Variants in API5 observed in about 807,000 individuals in gnomAD.
API5 encodes the protein apoptosis inhibitor 5.
Under a neutral mutation model 71.9 loss-of-function variants are expected in API5, and 6 were observed. The observed-to-expected ratio is 0.08, with a 90% CI of 0.05 to 0.16. The LOEUF is 0.16. Among genes scored for constraint, API5 ranks in the 10% least tolerant of loss-of-function variants. API5 has a pLI of 1.00. For missense variants in API5, 332 were observed against 612.8 expected (o/e 0.54, Z 4.84); for synonymous variants, 189 against 221.3 (o/e 0.85, Z 1.30).
At chr11:43,329,386 A>T (rs1855178096) in intron 9 of API5, 1 of 155,132 alleles carries the variant, frequency 6.4e-6, no homozygotes, top group Non-Finnish European at 1.4e-5. Flanking sequence ...ATTAAAAGAC[A>T]GAAATGACTT....
At chr11:43,326,228 G>A (rs189122100) in intron 6 of API5, among the ~76,000 whole-genome samples, 114 of 152,228 alleles carry the variant, frequency 7.5e-4, no homozygotes, top group Non-Finnish European at 1.5e-3. Flanking sequence ...ATCATTACCT[G>A]CAAAAGTGTC....
At chr11:43,338,947 C>T (rs1230868004) in intron 13 of API5, among the ~76,000 whole-genome samples, 1 of 152,138 alleles carries the variant, frequency 6.6e-6, no homozygotes, top group Non-Finnish European at 1.5e-5. Context: ...TCATGGCCCA[C>T]AAAAGGCTAC....
chr11:43,324,888 A>G (rs1219236524), intron 6 of API5, among the ~76,000 whole-genome samples: 1 of 152,026 alleles, frequency 6.6e-6, no homozygotes, highest in Non-Finnish European at 1.5e-5. Context: ...CATGTTGCCC[A>G]GGCTGCTCTC....
At position 43,322,411 on chromosome 11, in the gene API5, C is replaced by T. The variant is rs530503562; in HGVS notation, c.543+275C>T. 2.6e-5 allele frequency among the ~76,000 whole-genome samples: 4 copies of T among 152,252 alleles called. No homozygotes were observed. In the South Asian group the frequency reaches 8.3e-4, roughly 32 times the overall value. On this transcript the variant is annotated intron_variant, in intron 5 of 13. Coordinates refer to ENST00000531273, the MANE Select transcript of API5 (RefSeq NM_001142930.2). ...AATTTGTGCAACCTCTGCAAATCACCTCCTTCAGGAAACTTTCCCTAAGTC... is the reference window on the plus strand; with the variant it reads ...AATTTGTGCAACCTCTGCAAATCACTTCCTTCAGGAAACTTTCCCTAAGTC...
intron 11 of API5, among the ~76,000 whole-genome samples, chr11:43,332,436 TTTAACCAAACCTTAGG>T (rs1855287845): frequency 6.6e-6 from 1 of 152,112 alleles, no homozygotes; most frequent in Non-Finnish European, 1.5e-5. Context: ...ATTCCCACAA[TTTAACCAAACCTTAGG>T]TTTGGTTAAA....
At chr11:43,336,920 A>G (rs79090005) in intron 13 of API5, among the ~76,000 whole-genome samples, 13,817 of 148,290 alleles carry the variant, frequency 0.093, 2,140 homozygotes, top group African/African-American at 0.32. Flanking sequence ...AGGCAGGAGA[A>G]TGGTTTGAAC....
intron 5 of API5, among the ~76,000 whole-genome samples, chr11:43,322,355 A>G (rs5743224): frequency 0.044 from 6,748 of 152,292 alleles, 179 homozygotes; most frequent in South Asian, 0.11. Flanking sequence ...GAATCTGATT[A>G]CATTTAAACT....
At chr11:43,325,503 A>C (rs1444492052) in intron 6 of API5, among the ~76,000 whole-genome samples, 2 of 152,224 alleles carry the variant, frequency 1.3e-5, no homozygotes, top group African/African-American at 4.8e-5. Context: ...GATTAATAGC[A>C]GAAACAATAG....
intron 13 of API5, among the ~76,000 whole-genome samples, chr11:43,336,620 G>A (rs1443457922): frequency 6.6e-6 from 1 of 152,142 alleles, no homozygotes; most frequent in Admixed American, 6.5e-5. Context: ...CGAATCAAAA[G>A]TAAAGTTTAT....
intron 7 of API5, among the ~76,000 whole-genome samples, chr11:43,327,342 T>A (rs1855108010): frequency 6.6e-6 from 1 of 152,246 alleles, no homozygotes; most frequent in East Asian, 1.9e-4. Context: ...AGAGACTAAA[T>A]TTAACAGGAA....
intron 1 of API5, among the ~76,000 whole-genome samples, chr11:43,314,533 T>C (rs767590924): frequency 6.6e-6 from 1 of 152,214 alleles, no homozygotes; most frequent in Non-Finnish European, 1.5e-5. Context: ...GATACCTTTG[T>C]CTACACTTTA....
chr11:43,328,368 C>T (rs1855143840), intron 8 of API5, among the ~76,000 whole-genome samples: 1 of 152,178 alleles, frequency 6.6e-6, no homozygotes, highest in African/African-American at 2.4e-5. Context: ...GATGTCAAAT[C>T]TAGATTGAAT....
intron 11 of API5, 50 bp downstream of exon 11, chr11:43,330,614 C>G (rs1168583058): frequency 1.4e-6 from 2 of 1,385,154 alleles, no homozygotes; most frequent in East Asian, 4.7e-5. Flanking sequence ...TAAAATCATA[C>G]ATTTATTTAT....
chr11:43,330,667 C>A, intron 11 of API5, 103 bp downstream of exon 11: 1 of 881,984 alleles, frequency 1.1e-6, no homozygotes, highest in Non-Finnish European at 1.8e-6. Flanking sequence ...GGGAGGCATG[C>A]AAACTTCTTC....
intron 1 of API5, among the ~76,000 whole-genome samples, chr11:43,314,567 G>T (rs1240336395): frequency 6.6e-6 from 1 of 152,120 alleles, no homozygotes; most frequent in African/African-American, 2.4e-5. Context: ...GCTTTATTCC[G>T]TACATTTCAC....
At chr11:43,314,399 A>T (rs929509765) in intron 1 of API5, among the ~76,000 whole-genome samples, 1 of 152,142 alleles carries the variant, frequency 6.6e-6, no homozygotes, top group Non-Finnish European at 1.5e-5. Flanking sequence ...TTCTCATGTC[A>T]TCTTTATAAA....
chr11:43,328,679 A>C, intron 8 of API5, 33 bp from the exon 9 acceptor site: 1 of 1,584,024 alleles, frequency 6.3e-7, no homozygotes, highest in Non-Finnish European at 8.7e-7. Context: ...TATGTAGAAC[A>C]GATTGCAAAA....
At chr11:43,332,418 A>G (rs1021206886) in intron 11 of API5, among the ~76,000 whole-genome samples, 2 of 152,104 alleles carry the variant, frequency 1.3e-5, no homozygotes, top group African/African-American at 4.8e-5. Flanking sequence ...GGCTGGCTAT[A>G]AATGGGGATT....
At chr11:43,336,744 C>G (rs1264743981) in intron 13 of API5, among the ~76,000 whole-genome samples, 1 of 152,096 alleles carries the variant, frequency 6.6e-6, no homozygotes, top group African/African-American at 2.4e-5. Flanking sequence ...GGCAGTGGCT[C>G]AAGCCTGTAA....
Sources: gnomAD v4.1 joint callset for allele counts (sites outside exome capture counted in the v4.1 genomes callset) on GRCh38, gnomAD v4.1.1 for gene constraint, MANE v1.5 for transcripts, NCBI Gene and HGNC (gene_info 2026-07-23, HGNC 2026-07-21) for gene names.